NPIPB11: variants seen among roughly 807,000 people sequenced by gnomAD.
NPIPB11 encodes nuclear pore complex-interacting protein family member B11.
In NPIPB11, 17 loss-of-function variants were observed where a neutral mutation model predicts 32.8. That is an observed-to-expected ratio of 0.52 (90% CI 0.35 to 0.78). NPIPB11 has a LOEUF of 0.78. Among genes scored for constraint, NPIPB11 ranks in the 30% least tolerant of loss-of-function variants. NPIPB11 has a pLI of 0.01. For synonymous variants in NPIPB11, 209 were observed against 398.4 expected, an observed-to-expected ratio of 0.52 and a Z score of 5.66; for missense variants, 537 against 1,000.4, an observed-to-expected ratio of 0.54 and a Z score of 6.25.
chr16:29,401,731 G>A (rs1459754239), intron 2 of NPIPB11, among the ~76,000 whole-genome samples: 1 of 152,112 alleles, frequency 6.6e-6, no homozygotes, highest in Non-Finnish European at 1.5e-5. Flanking sequence ...GGCAAGAGTT[G>A]GGAGCCATTG....
At chr16:29,401,497 A>G (rs1037339674) in intron 2 of NPIPB11, among the ~76,000 whole-genome samples, 4 of 152,100 alleles carry the variant, frequency 2.6e-5, no homozygotes, top group Non-Finnish European at 5.9e-5. Flanking sequence ...GGCTGAGGAT[A>G]AAGCAAATCT....
chr16:29,396,994 A>G (rs1567274322), intron 2 of NPIPB11, among the ~76,000 whole-genome samples: 1 of 151,564 alleles, frequency 6.6e-6, no homozygotes, highest in Non-Finnish European at 1.5e-5. Flanking sequence ...CTAAAAACAC[A>G]AAAATTAGCC....
In NPIPB11 at chr16:29,381,633, C is replaced by CG. The variant is rs1963491209; in HGVS notation, c.3298dup (p.Arg1100ProfsTer5). 1 of 606,398 alleles carries CG rather than the reference C, an allele frequency of 1.6e-6. No individual in the cohort carries two copies. Among genetic ancestry groups the CG allele is most frequent in the Admixed American group, 3.0e-5 (1 of 33,034 alleles). 37.6% of individuals were successfully genotyped at this position (606,398 alleles called of 1,614,324 possible). ...TGACGGTTCCACGTCACCGACCCTC[C>CG]GCCTCTTGGGTTCGGGAGGTGGTTC... is the stretch of plus-strand genomic sequence containing the variant. On this transcript the variant is annotated frameshift_variant, in exon 8 of 8. Transcript: ENST00000524087. LOFTEE classifies it high-confidence loss of function.
chr16:29,388,997 C>A lies in NPIPB11; in HGVS notation c.545+944G>T, dbSNP rs990676646. Among the ~76,000 whole-genome samples, 33 of 147,064 alleles carry A rather than the reference C, an allele frequency of 2.2e-4. No individual in the cohort carries two copies. In the South Asian group the frequency reaches 2.9e-3, roughly 13 times the overall value. ...GGATCATGATGTCAGGAGTTCTAGACCAGCTTGGCCAATATGGTGAAACCC... is the reference window on the plus strand; with the variant it reads ...GGATCATGATGTCAGGAGTTCTAGAACAGCTTGGCCAATATGGTGAAACCC... On this transcript the variant is annotated intron_variant, in intron 5 of 7. Transcript: ENST00000524087.
Position 29,387,438 on chromosome 16 carries a change from CTGA to C in NPIPB11, c.546-1586_546-1584del, listed in dbSNP as rs1337152210. Among the ~76,000 whole-genome samples, 6 of 149,556 alleles carry C rather than the reference CTGA, an allele frequency of 4.0e-5. 1 individual carries two copies. The highest frequency in any genetic ancestry group is 1.5e-4 in the African/African-American group (6 of 39,644). ...GTGAGACCTGATTCTCAGTCAGAGG[CTGA>C]TGCCAGAACTGAGACCATCAGCCAT... On this transcript the variant is annotated intron_variant, in intron 5 of 7. Coordinates refer to ENST00000524087, the Ensembl canonical transcript of NPIPB11.
chr16:29,399,680 AGAGC>A (rs990998755), intron 2 of NPIPB11, among the ~76,000 whole-genome samples: 1 of 152,092 alleles, frequency 6.6e-6, no homozygotes, highest in African/African-American at 2.4e-5. Flanking sequence ...CCTAGGAGAC[AGAGC>A]GAGACTCTGT....
At chr16:29,397,574 G>A (rs1302932949) in intron 2 of NPIPB11, 4 of 1,521,548 alleles carry the variant, frequency 2.6e-6, no homozygotes, top group Non-Finnish European at 3.6e-6. Flanking sequence ...TCACACGGAT[G>A]CACTGATGGC....
At chr16:29,399,218 G>C (rs1458465661) in intron 2 of NPIPB11, among the ~76,000 whole-genome samples, 1 of 152,116 alleles carries the variant, frequency 6.6e-6, no homozygotes, top group African/African-American at 2.4e-5. Flanking sequence ...CAGGGCTTCT[G>C]CCCGATCACA....
At chr16:29,393,805 A>C (rs1197642047) in intron 3 of NPIPB11, 143 bp downstream of exon 3, 5 of 1,226,322 alleles carry the variant, frequency 4.1e-6, no homozygotes, top group African/African-American at 1.5e-5. Context: ...TATTTTCATA[A>C]TTCTTATGCT....
At chr16:29,394,429 C>CTT (rs1248252716) in intron 2 of NPIPB11, among the ~76,000 whole-genome samples, 44 of 122,346 alleles carry the variant, frequency 3.6e-4, no homozygotes, top group African/African-American at 5.3e-4. Flanking sequence ...AAAAAAACCT[C>CTT]TTTTTTTTTT....
At chr16:29,392,164 G>A (rs1963738450) in intron 3 of NPIPB11, among the ~76,000 whole-genome samples, 2 of 152,012 alleles carry the variant, frequency 1.3e-5, no homozygotes, top group East Asian at 1.9e-4. Flanking sequence ...CAATCCCACA[G>A]CTACTGCTAG....
chr16:29,397,745 TGGGGAGGGGGAGGGGAG>T (rs1963896467), intron 2 of NPIPB11: 2 of 168,532 alleles, frequency 1.2e-5, no homozygotes, highest in Non-Finnish European at 2.2e-5. Context: ...GGATCTGAGT[TGGGGAGGGGGAGGGGAG>T]GGGGAGGGGG....
At chr16:29,401,139 G>A (rs1299980567) in intron 2 of NPIPB11, among the ~76,000 whole-genome samples, 1 of 152,070 alleles carries the variant, frequency 6.6e-6, no homozygotes, top group Non-Finnish European at 1.5e-5. Flanking sequence ...CTGTCAGTGT[G>A]GGAGCAATAG....
chr16:29,384,154 A>T, exon 8 of NPIPB11: 1 of 1,564,708 alleles, frequency 6.4e-7, no homozygotes, highest in South Asian at 1.1e-5. Context: ...AGGCTCAGGG[A>T]GTTATCAGTT....
intron 2 of NPIPB11, among the ~76,000 whole-genome samples, chr16:29,394,771 G>C (rs1259934104): frequency 2.7e-5 from 4 of 146,348 alleles, no homozygotes; most frequent in Non-Finnish European, 4.5e-5. Flanking sequence ...TTTGAGATGG[G>C]GTCTCACTCT....
At chr16:29,389,194 CAAAA>C (rs1166217249) in intron 5 of NPIPB11, among the ~76,000 whole-genome samples, 1 of 50,350 alleles carries the variant, frequency 2.0e-5, no homozygotes, top group Non-Finnish European at 3.9e-5. Flanking sequence ...GACTCTGTCT[CAAAA>C]AAAAAAAAAA....
At chr16:29,395,160 ATTATC>A (rs1351075792) in intron 2 of NPIPB11, among the ~76,000 whole-genome samples, 1 of 99,524 alleles carries the variant, frequency 1.0e-5, no homozygotes, top group Non-Finnish European at 2.0e-5. Flanking sequence ...GTATAAAGTA[ATTATC>A]TTTTCTTTTT....
At chr16:29,397,345 A>T (rs1276908453) in intron 2 of NPIPB11, among the ~76,000 whole-genome samples, 2 of 151,562 alleles carry the variant, frequency 1.3e-5, no homozygotes, top group Non-Finnish European at 2.9e-5. Context: ...TAACTGGGAT[A>T]ACAGGTACGC....
At chr16:29,405,262 A>T (rs558532560), upstream of NPIPB11, among the ~76,000 whole-genome samples, 129 of 151,970 alleles carry the variant, frequency 8.5e-4, 4 homozygotes, top group East Asian at 0.023. Context: ...GTGACTTTTT[A>T]AAAAATGTTA....
Sources: gnomAD v4.1 joint callset for allele counts (sites outside exome capture counted in the v4.1 genomes callset) on GRCh38, gnomAD v4.1.1 for gene constraint, MANE v1.5 for transcripts, NCBI Gene and HGNC (gene_info 2026-07-23, HGNC 2026-07-21) for gene names.